The following CCDC195 variants were observed in gnomAD, a reference collection of about 807,000 sequenced individuals.
The protein encoded by CCDC195 is coiled-coil domain-containing protein 195.
chr2:224,705,129 A>G (rs530751954), intron 2 of CCDC195, among the ~76,000 whole-genome samples: 11 of 152,166 alleles, frequency 7.2e-5, no homozygotes, highest in Non-Finnish European at 1.5e-4. Context: ...AACTTTCTCC[A>G]AGGCCACATT....
At position 224,706,189 on chromosome 2, in the gene CCDC195, C is replaced by CTTTTTTTTTTTTTTTTTT. The variant is rs201012911; in HGVS notation, c.483-2320_483-2303dup. Among the ~76,000 whole-genome samples, 96 of 33,360 alleles carry CTTTTTTTTTTTTTTTTTT rather than the reference C, an allele frequency of 2.9e-3. 34 individuals are homozygous for CTTTTTTTTTTTTTTTTTT. The highest frequency in any genetic ancestry group is 3.2e-3 in the East Asian group (3 of 944). The allele number at this position is 33,360 out of a possible 152,430, so 21.9% of individuals were successfully genotyped here. A position where few individuals can be genotyped will look rare whatever the true frequency, so the allele number is the denominator to read the frequency against. ...TGTATATTGCCTCTATATTTTGTAA[C>CTTTTTTTTTTTTTTTTTT]TTTTTTTTTTTTTTTTTTTTTTTTT... On this transcript the variant is annotated intron_variant, in intron 2 of 2. Transcript: ENST00000638102.
At chr2:224,715,571 C>G (rs1689369275) in intron 1 of CCDC195, among the ~76,000 whole-genome samples, 2 of 152,156 alleles carry the variant, frequency 1.3e-5, no homozygotes, top group Admixed American at 1.3e-4. Context: ...CAATACTAAG[C>G]ATTTAGTTCA....
chr2:224,707,670 G>A (rs1689231733), intron 2 of CCDC195, among the ~76,000 whole-genome samples: 1 of 152,180 alleles, frequency 6.6e-6, no homozygotes, highest in African/African-American at 2.4e-5. Context: ...GCTCCACATG[G>A]GCAGGGGTTT....
chr2:224,704,610 C>CTTTTTTTTTTTTTTTCTTTTTTTTT (rs1697215999), intron 2 of CCDC195, among the ~76,000 whole-genome samples: 2 of 110,642 alleles, frequency 1.8e-5, no homozygotes, highest in East Asian at 2.8e-4. Flanking sequence ...CTTTTCTTTT[C>CTTTTTTTTTTTTTTTCTTTTTTTTT]TTTTTTTTTT....
chr2:224,705,836 T>C (rs1278804143), intron 2 of CCDC195, among the ~76,000 whole-genome samples: 1 of 152,232 alleles, frequency 6.6e-6, no homozygotes, highest in Admixed American at 6.5e-5. Context: ...AATTAACTTT[T>C]ACATTAGAAA....
intron 2 of CCDC195, among the ~76,000 whole-genome samples, chr2:224,708,468 C>G (rs935247026): frequency 2.6e-5 from 4 of 152,094 alleles, no homozygotes; most frequent in Admixed American, 2.6e-4. Flanking sequence ...CTGTTTCGTT[C>G]TACCTGGGAT....
chr2:224,704,610 C>CTTTTTTTTTT (rs55801561), intron 2 of CCDC195, among the ~76,000 whole-genome samples: 186 of 110,620 alleles, frequency 1.7e-3, no homozygotes, highest in Non-Finnish European at 2.3e-3. Context: ...CTTTTCTTTT[C>CTTTTTTTTTT]TTTTTTTTTT....
intron 2 of CCDC195, among the ~76,000 whole-genome samples, chr2:224,709,750 T>C (rs552203850): frequency 1.4e-4 from 21 of 152,368 alleles, no homozygotes; most frequent in Non-Finnish European, 2.5e-4. Context: ...AAATGAGTAC[T>C]AAGTTGTCCA....
chr2:224,713,759 A>G (rs1689349098), intron 1 of CCDC195, among the ~76,000 whole-genome samples: 1 of 152,052 alleles, frequency 6.6e-6, no homozygotes, highest in Non-Finnish European at 1.5e-5. Context: ...TATTTGTGCA[A>G]TAAGCAAGGT....
intron 1 of CCDC195, among the ~76,000 whole-genome samples, chr2:224,712,245 G>A (rs1264299047): frequency 2.0e-5 from 3 of 152,186 alleles, no homozygotes; most frequent in African/African-American, 4.8e-5. Context: ...ACAGCCAAAT[G>A]CAGTTTATTT....
chr2:224,703,887 C>G, exon 3 of CCDC195: 1 of 398,404 alleles, frequency 2.5e-6, no homozygotes, highest in Non-Finnish European at 4.4e-6. Flanking sequence ...TTGTCTTGTC[C>G]CTACAGGAAG....
intron 1 of CCDC195, among the ~76,000 whole-genome samples, chr2:224,715,560 G>T (rs1009162444): frequency 3.3e-5 from 5 of 152,216 alleles, no homozygotes. Flanking sequence ...TTGGCCAGGT[G>T]CAATACTAAG....
At chr2:224,704,390 T>G (rs1156602330) in intron 2 of CCDC195, among the ~76,000 whole-genome samples, 1 of 152,190 alleles carries the variant, frequency 6.6e-6, no homozygotes, top group Non-Finnish European at 1.5e-5. Context: ...TGCCTACTTC[T>G]CCTTTTACCT....
At chr2:224,707,989 TCCC>T (rs779458086) in intron 2 of CCDC195, among the ~76,000 whole-genome samples, 11,807 of 44,816 alleles carry the variant, frequency 0.26, 995 homozygotes, top group East Asian at 0.38. Flanking sequence ...CCTCCCTCCC[TCCC>T]TCCCTCCCTT....
chr2:224,706,887 G>GTGTA (rs1553548846), intron 2 of CCDC195, among the ~76,000 whole-genome samples: 3 of 143,822 alleles, frequency 2.1e-5, no homozygotes, highest in Non-Finnish European at 4.5e-5. Flanking sequence ...GTGTGTCTGT[G>GTGTA]TGTATATATA....
At chr2:224,705,639 A>G (rs1697232141) in intron 2 of CCDC195, among the ~76,000 whole-genome samples, 2 of 152,212 alleles carry the variant, frequency 1.3e-5, no homozygotes, top group Admixed American at 6.5e-5. Context: ...GAATAATATA[A>G]TGACATTTTA....
At chr2:224,712,677 C>T (rs528995596) in intron 1 of CCDC195, among the ~76,000 whole-genome samples, 1 of 152,120 alleles carries the variant, frequency 6.6e-6, no homozygotes, top group Non-Finnish European at 1.5e-5. Context: ...TTAATTATTC[C>T]CTTTCTTAAA....
intron 2 of CCDC195, among the ~76,000 whole-genome samples, chr2:224,707,149 T>C (rs995364097): frequency 1.3e-5 from 2 of 152,234 alleles, no homozygotes; most frequent in African/African-American, 4.8e-5. Context: ...GATTATTTTA[T>C]AGCCTTCAGT....
chr2:224,715,082 C>A (rs918437341), intron 1 of CCDC195, among the ~76,000 whole-genome samples: 1 of 152,112 alleles, frequency 6.6e-6, no homozygotes. Flanking sequence ...GTGTGCGCCA[C>A]CACGCCTGAC....
Sources: gnomAD v4.1 joint callset for allele counts (sites outside exome capture counted in the v4.1 genomes callset) on GRCh38, gnomAD v4.1.1 for gene constraint, MANE v1.5 for transcripts, NCBI Gene and HGNC (gene_info 2026-07-23, HGNC 2026-07-21) for gene names.